Variants in CALN1 observed in about 807,000 individuals in gnomAD.
CALN1 encodes calcium-binding protein 8.
Under a neutral mutation model 30.6 loss-of-function variants are expected in CALN1, and 17 were observed. That is an observed-to-expected ratio of 0.56 (90% CI 0.38 to 0.83). The LOEUF is 0.83. CALN1 is among the 40% of genes least tolerant of loss of function. The pLI, the probability that CALN1 is intolerant of heterozygous loss-of-function variation, is 0.00. For synonymous variants in CALN1, 156 were observed against 131.4 expected (o/e 1.19, Z -1.28); for missense variants, 291 against 354.9 (o/e 0.82, Z 1.45).
chr7:72,376,307 G>A (rs1804550914), intron 2 of CALN1, among the ~76,000 whole-genome samples: 1 of 152,170 alleles, frequency 6.6e-6, no homozygotes, highest in Non-Finnish European at 1.5e-5. Context: ...TACCCTTTGA[G>A]GAATGCCAAG....
At chr7:72,348,496 T>C (rs542900195) in intron 2 of CALN1, among the ~76,000 whole-genome samples, 5 of 152,228 alleles carry the variant, frequency 3.3e-5, no homozygotes, top group East Asian at 1.9e-4. Context: ...AAATTTTTTA[T>C]AACGATTTAA....
At chr7:71,816,981 T>G (rs1019587866) in intron 5 of CALN1, among the ~76,000 whole-genome samples, 2 of 151,882 alleles carry the variant, frequency 1.3e-5, no homozygotes, top group Admixed American at 1.3e-4. Flanking sequence ...AAAACAAAAA[T>G]CTATAGTTTT....
At chr7:71,876,258 C>T (rs1792237530) in intron 5 of CALN1, among the ~76,000 whole-genome samples, 1 of 152,130 alleles carries the variant, frequency 6.6e-6, no homozygotes, top group Admixed American at 6.5e-5. Context: ...TCTTGTGACA[C>T]TGGGTTAGTT....
chr7:71,962,251 A>G (rs982920183), intron 5 of CALN1, among the ~76,000 whole-genome samples: 1 of 151,864 alleles, frequency 6.6e-6, no homozygotes, highest in Non-Finnish European at 1.5e-5. Context: ...AAAGTTTAAA[A>G]AATCAGTCAT....
intron 4 of CALN1, among the ~76,000 whole-genome samples, chr7:72,074,334 T>C (rs566872955): frequency 7.2e-5 from 11 of 152,298 alleles, no homozygotes; most frequent in Middle Eastern, 6.8e-3. Context: ...GCCCTAGTCA[T>C]AGCGGCAGGA....
At chr7:72,056,840 T>C (rs912714950) in intron 4 of CALN1, among the ~76,000 whole-genome samples, 1 of 152,186 alleles carries the variant, frequency 6.6e-6, no homozygotes, top group Admixed American at 6.5e-5. Flanking sequence ...GTAGAAAATG[T>C]TCAACTTCAA....
intron 3 of CALN1, among the ~76,000 whole-genome samples, chr7:72,267,528 C>T (rs527836265): frequency 1.3e-5 from 2 of 152,164 alleles, no homozygotes; most frequent in African/African-American, 2.4e-5. Context: ...GGTGACATGA[C>T]GGGTACAAGG....
intron 3 of CALN1, among the ~76,000 whole-genome samples, chr7:72,257,915 G>A (rs968875175): frequency 1.3e-5 from 2 of 152,138 alleles, no homozygotes; most frequent in Admixed American, 6.6e-5. Flanking sequence ...GCTAAGCTAC[G>A]AGGATGCAAA....
intron 2 of CALN1, among the ~76,000 whole-genome samples, chr7:72,369,210 C>A (rs1212293921): frequency 6.6e-6 from 1 of 151,270 alleles, no homozygotes; most frequent in Non-Finnish European, 1.5e-5. Context: ...AAGTTTTATA[C>A]CTGTATACAC....
intron 2 of CALN1, among the ~76,000 whole-genome samples, chr7:72,402,714 A>G (rs954051696): frequency 6.6e-6 from 1 of 152,190 alleles, no homozygotes; most frequent in African/African-American, 2.4e-5. Flanking sequence ...GACCGCATCA[A>G]TGACCAGAGA....
At chr7:72,336,066 A>C (rs1411763626) in intron 2 of CALN1, among the ~76,000 whole-genome samples, 1 of 152,122 alleles carries the variant, frequency 6.6e-6, no homozygotes, top group Non-Finnish European at 1.5e-5. Context: ...ACTAGGTCCC[A>C]GCCGGACTGC....
intron 5 of CALN1, among the ~76,000 whole-genome samples, chr7:72,012,239 C>T (rs554842699): frequency 2.0e-5 from 3 of 152,242 alleles, no homozygotes; most frequent in South Asian, 4.1e-4. Flanking sequence ...TTTAATCGGC[C>T]GGGCACGGTG....
intron 5 of CALN1, among the ~76,000 whole-genome samples, chr7:71,830,286 A>G (rs943710475): frequency 6.6e-6 from 1 of 151,248 alleles, no homozygotes; most frequent in Non-Finnish European, 1.5e-5. Context: ...CAGGTGATCC[A>G]CCCGCCTCGG....
chr7:71,847,468 G>C (rs954839755), intron 5 of CALN1, among the ~76,000 whole-genome samples: 1 of 151,798 alleles, frequency 6.6e-6, no homozygotes, highest in Non-Finnish European at 1.5e-5. Flanking sequence ...TGGCCAACAT[G>C]GTGAAACCCC....
rs1358680370 is a variant in CALN1 at position 72,330,416 on chromosome 7, C to A, written c.120-51606G>T. On this transcript the variant is annotated intron_variant, in intron 2 of 6. Transcript: ENST00000395275. ...CCAGTAAGCAGAGGCTGCAGGGAGC[C>A]AAGATCGTGCCACTGCACTCCAGCC... Among the ~76,000 whole-genome samples, 3 of 137,680 alleles carry A rather than the reference C, an allele frequency of 2.2e-5. No homozygotes were observed. The East Asian group carries it at 6.5e-4, about 30-fold the overall frequency. The allele number at this position is 137,680 out of a possible 152,430, so 90.3% of individuals were successfully genotyped here. A position where few individuals can be genotyped will look rare whatever the true frequency, so the allele number is the denominator to read the frequency against.
intron 3 of CALN1, among the ~76,000 whole-genome samples, chr7:72,247,878 G>A (rs898728081): frequency 6.6e-6 from 1 of 152,156 alleles, no homozygotes; most frequent in Non-Finnish European, 1.5e-5. Flanking sequence ...CATGCCTGTA[G>A]TCCCAGCTAC....
chr7:71,898,112 C>T (rs543701052), intron 5 of CALN1, among the ~76,000 whole-genome samples: 14 of 150,426 alleles, frequency 9.3e-5, no homozygotes, highest in Non-Finnish European at 1.8e-4. Context: ...GTTGGATCAC[C>T]TGAGGTCAGG....
Position 71,787,472 on chromosome 7 carries a change from T to C in CALN1, c.*303A>G, listed in dbSNP as rs756678308. 3 of 287,620 alleles carry C rather than the reference T, an allele frequency of 1.0e-5. No homozygotes were observed. Among genetic ancestry groups the C allele is most frequent in the Non-Finnish European group, 2.0e-5 (3 of 147,488 alleles). 17.8% of individuals were successfully genotyped at this position (287,620 alleles called of 1,614,324 possible). A position where few individuals can be genotyped will look rare whatever the true frequency, so the allele number is the denominator to read the frequency against. ...GGCTGCTGGAATTCCGAGATGAAGATGAAGTTTTTCTCTAGAGTTATGACT... is the reference window on the plus strand; with the variant it reads ...GGCTGCTGGAATTCCGAGATGAAGACGAAGTTTTTCTCTAGAGTTATGACT... On this transcript the variant is annotated 3_prime_UTR_variant, in exon 7 of 7. Coordinates refer to ENST00000395275, the MANE Select transcript of CALN1 (RefSeq NM_031468.4).
intron 5 of CALN1, among the ~76,000 whole-genome samples, chr7:71,889,965 G>C (rs902470100): frequency 7.2e-6 from 1 of 138,308 alleles, no homozygotes; most frequent in Non-Finnish European, 1.5e-5. Flanking sequence ...ACTCTGTCTC[G>C]GAAAAAAAAA....
Sources: gnomAD v4.1 joint callset for allele counts (sites outside exome capture counted in the v4.1 genomes callset) on GRCh38, gnomAD v4.1.1 for gene constraint, MANE v1.5 for transcripts, NCBI Gene and HGNC (gene_info 2026-07-23, HGNC 2026-07-21) for gene names.